Variants in MROH1 observed in about 807,000 individuals in gnomAD.
MROH1 encodes the protein maestro heat like repeat family member 1.
MROH1 carries 117 observed loss-of-function variants against 116.5 expected under a neutral mutation model. The ratio of observed to expected loss-of-function variants is 1.00; its 90% CI spans 0.86 to 1.17. The LOEUF is 1.17. Among genes scored for constraint, MROH1 ranks in the 50% most tolerant of loss-of-function variants. The pLI, the probability that MROH1 is intolerant of heterozygous loss-of-function variation, is 0.00. For missense variants in MROH1, 1,873 were observed against 1,338.5 expected (o/e 1.40, Z -6.23); for synonymous variants, 921 against 583.9 (o/e 1.58, Z -8.32).
At chr8:144,247,529 G>A (rs1842108794) in intron 30 of MROH1, 38 bp from the exon 31 acceptor site, 2 of 762,312 alleles carry the variant, frequency 2.6e-6, no homozygotes, top group Admixed American at 1.8e-5. Context: ...TCGCCAGGGA[G>A]GGCCTGGGCC....
chr8:144,195,788 G>A (rs1339667546), intron 10 of MROH1, among the ~76,000 whole-genome samples: 7 of 151,728 alleles, frequency 4.6e-5, no homozygotes, highest in East Asian at 3.9e-4. Context: ...CTGCAGCCTC[G>A]GCCTCCCAGG....
rs1826113727 is a variant in MROH1, at chr8:144,183,227, T to A, written c.562+2704T>A. 3.3e-5 allele frequency among the ~76,000 whole-genome samples: 5 copies of A among 151,412 alleles called. No individual in the cohort carries two copies. The South Asian group carries it at 1.0e-3, about 32-fold the overall frequency. ...ACCCCATCGTTAGAAAAAATATTTT[T>A]AAAAATTTGCCAGGTATGGTAGCAC... On this transcript the variant is annotated intron_variant, in intron 7 of 43. Transcript: ENST00000326134.
chr8:144,174,116 A>G (rs769008175), intron 4 of MROH1, among the ~76,000 whole-genome samples: 6 of 152,184 alleles, frequency 3.9e-5, no homozygotes, highest in Non-Finnish European at 7.3e-5. Context: ...AAAAGAGGTT[A>G]AAGTGAAGAC....
At chr8:144,258,262 C>T (rs888307198) in intron 35 of MROH1, among the ~76,000 whole-genome samples, 4 of 152,202 alleles carry the variant, frequency 2.6e-5, no homozygotes, top group African/African-American at 9.6e-5. Flanking sequence ...TTCAGCACGC[C>T]AGCAGCCCCT....
chr8:144,197,759 ATTTGGTC>A (rs2131738795), intron 10 of MROH1, among the ~76,000 whole-genome samples: 1 of 144,516 alleles, frequency 6.9e-6, no homozygotes, highest in Admixed American at 6.9e-5. Context: ...TTATGATCAT[ATTTGGTC>A]TTTACAGTAG....
At chr8:144,156,589 G>C (rs1223859836) in intron 1 of MROH1, among the ~76,000 whole-genome samples, 1 of 148,848 alleles carries the variant, frequency 6.7e-6, no homozygotes, top group African/African-American at 2.5e-5. Context: ...TGTGCCTGTA[G>C]TCCCATCTAC....
chr8:144,232,466 GTTTGTTTGTTTA>G (rs1243585776), intron 14 of MROH1, among the ~76,000 whole-genome samples: 2 of 144,304 alleles, frequency 1.4e-5, no homozygotes, highest in African/African-American at 5.0e-5. Context: ...TGAGTGCTTT[GTTTGTTTGTTTA>G]TTTATTTATT....
chr8:144,259,934 C>T lies in MROH1; in HGVS notation c.4068C>T (p.Asn1356=), dbSNP rs932953296. ...LAELLNSNVA[N]DLMLLDSLLE... is the part of the protein sequence containing the mutation. ...AGCTGCTGAACAGCAACGTGGCCAA[C>T]GACCTCATGCTCTTGGACTCGCTGC... The change falls in exon 38 of 44, where the codon AAC becomes AAT. Residue 1356 remains asparagine, a synonymous_variant. Transcript: ENST00000326134. 22 of 742,462 alleles carry T rather than the reference C, an allele frequency of 3.0e-5. No individual in the cohort carries two copies. The highest frequency in any genetic ancestry group is 1.9e-4 in the Admixed American group (10 of 53,980). 46.0% of individuals were successfully genotyped at this position (742,462 alleles called of 1,614,324 possible).
intron 2 of MROH1, among the ~76,000 whole-genome samples, chr8:144,162,440 G>C (rs1203979974): frequency 6.6e-6 from 1 of 150,768 alleles, no homozygotes. Flanking sequence ...GCCCAGGCTG[G>C]AGTGTAGTGC....
chr8:144,187,176 C>T (rs556792666), intron 7 of MROH1, among the ~76,000 whole-genome samples: 1 of 151,890 alleles, frequency 6.6e-6, no homozygotes, highest in East Asian at 1.9e-4. Context: ...TTTGGGAGGC[C>T]GAGGTGGTTG....
At chr8:144,258,671 T>C in intron 35 of MROH1, 106 bp from the exon 36 acceptor site, 3 of 695,772 alleles carry the variant, frequency 4.3e-6, no homozygotes, top group South Asian at 1.5e-5. Context: ...GGGATAGGGC[T>C]AGCCACCAGG....
chr8:144,179,408 G>C (rs1824953566), intron 4 of MROH1, 47 bp from the exon 5 acceptor site: 1 of 1,604,222 alleles, frequency 6.2e-7, no homozygotes. Context: ...CAGAGTGTCT[G>C]GGTGTGGGGC....
intron 35 of MROH1, among the ~76,000 whole-genome samples, chr8:144,256,963 G>C (rs890714030): frequency 2.6e-5 from 4 of 152,126 alleles, no homozygotes; most frequent in Non-Finnish European, 5.9e-5. Flanking sequence ...CTGCACTCAA[G>C]CTGGGCCCTG....
Position 144,223,138 on chromosome 8 carries a change from G to T in MROH1, c.1246G>T (p.Ala416Ser). ...VKRAVVQVIS[A>S]MAHHGYLEQP... ...GCGGGCAGTGGTGCAGGTGATTAGC[G>T]CCATGGCCCACCACGGCTACCTGGA... Residue 416 changes from alanine to serine, a missense_variant, in exon 14 of 44, where the codon GCC becomes TCC. Physicochemically the swap from Ala to Ser is moderately conservative, Grantham distance 99. Coordinates refer to ENST00000326134, the MANE Select transcript of MROH1 (RefSeq NM_032450.3). 2 of 1,613,114 alleles carry T rather than the reference G, an allele frequency of 1.2e-6. No individual in the cohort carries two copies. The highest frequency in any genetic ancestry group is 1.1e-5 in the South Asian group (1 of 90,984).
chr8:144,221,748 T>C (rs1282459457), intron 13 of MROH1, among the ~76,000 whole-genome samples: 4 of 152,022 alleles, frequency 2.6e-5, no homozygotes, highest in African/African-American at 4.8e-5. Flanking sequence ...ACGCACACAG[T>C]CTGGGCAGTC....
In MROH1 at chr8:144,250,413, T is replaced by TC. The variant is rs1265542363; in HGVS notation, c.3428+52dup. Reference sequence around the variant, plus strand: ...CTTAGGGGTCCCTCTGGAATGATGCTCCCCCTGGAATGATGCTCCCCGAGC... The same window carrying TC: ...CTTAGGGGTCCCTCTGGAATGATGCTCCCCCCTGGAATGATGCTCCCCGAGC... On this transcript the variant is annotated intron_variant, in intron 33 of 43. Transcript: ENST00000326134. The TC allele has an allele frequency of 3.5e-4, 255 of 726,930 alleles. 2 individuals carry two copies. The South Asian group carries it at 3.6e-3, about 10-fold the overall frequency. 45.0% of individuals were successfully genotyped at this position (726,930 alleles called of 1,614,324 possible). A position where few individuals can be genotyped will look rare whatever the true frequency, so the allele number is the denominator to read the frequency against.
chr8:144,248,798 C>G, intron 31 of MROH1, 79 bp from the exon 32 acceptor site: 1 of 734,450 alleles, frequency 1.4e-6, no homozygotes, highest in Non-Finnish European at 2.5e-6. Flanking sequence ...TAACGCGAGC[C>G]CCTGAGACCC....
chr8:144,240,370 C>T (rs951039047), intron 19 of MROH1, among the ~76,000 whole-genome samples, 200 bp from the exon 20 acceptor site: 23 of 152,166 alleles, frequency 1.5e-4, no homozygotes, highest in African/African-American at 5.5e-4. Flanking sequence ...CAGCCCCAAG[C>T]GTCGGGGGCA....
chr8:144,247,309 G>A lies in MROH1; in HGVS notation c.2880G>A (p.Val960=). ...FLEHLRVSAL[V]PFHNLGLLIG... ...GGCATCTCCTCCTCCAGGCCCTGGT[G>A]CCCTTCCACAACCTGGGCCTTCTCA... The change falls in exon 30 of 44, where the codon GTG becomes GTA. Residue 960 remains valine (V), a synonymous_variant. Coordinates refer to ENST00000326134, the MANE Select transcript of MROH1 (RefSeq NM_032450.3). 1.3e-6 allele frequency: 1 copy of A among 772,010 alleles called. No individual in the cohort carries two copies. Among genetic ancestry groups the A allele is most frequent in the Admixed American group, 1.7e-5 (1 of 58,790 alleles). The allele number at this position is 772,010 out of a possible 1,614,324, so 47.8% of individuals were successfully genotyped here.
Sources: allele counts gnomAD v4.1 joint callset (sites outside exome capture counted in the v4.1 genomes callset), GRCh38; gene constraint gnomAD v4.1.1; transcripts MANE v1.5; gene names NCBI Gene and HGNC (gene_info 2026-07-23, HGNC 2026-07-21).